Variants in LOXHD1 observed in about 807,000 individuals in gnomAD.
The protein encoded by LOXHD1 is lipoxygenase homology PLAT domains 1, also known as lipoxygenase homology domain-containing protein 1.
A neutral mutation model predicts 248.2 loss-of-function variants in LOXHD1; 205 were observed. The ratio of observed to expected loss-of-function variants is 0.83; its 90% confidence interval spans 0.74 to 0.93. The LOEUF is 0.93. Ranked by LOEUF, LOXHD1 falls within the 40% of genes least tolerant of loss-of-function variation. The pLI is 0.00. For synonymous variants in LOXHD1, 1,113 were observed against 1,162.8 expected (o/e 0.96, Z 0.87); for missense variants, 2,930 against 2,971.6 (o/e 0.99, Z 0.33).
chr18:46,645,865 G>A (rs1014520590), intron 2 of LOXHD1, among the ~76,000 whole-genome samples: 1 of 152,160 alleles, frequency 6.6e-6, no homozygotes, highest in Non-Finnish European at 1.5e-5. Context: ...TGAGGGGTGA[G>A]AAAGAAGAAA....
chr18:46,575,190 C>T (rs1037820128), intron 14 of LOXHD1, among the ~76,000 whole-genome samples: 2 of 152,072 alleles, frequency 1.3e-5, no homozygotes, highest in African/African-American at 2.4e-5. Context: ...AAGGGCATGA[C>T]CTTCAACCCA....
intron 4 of LOXHD1, among the ~76,000 whole-genome samples, chr18:46,630,288 T>C (rs1258785891): frequency 6.6e-6 from 1 of 152,220 alleles, no homozygotes; most frequent in East Asian, 1.9e-4. Flanking sequence ...GGTGGAGCCT[T>C]CCCCAGGCAG....
At chr18:46,614,177 T>C (rs905932599) in intron 5 of LOXHD1, among the ~76,000 whole-genome samples, 1 of 152,222 alleles carries the variant, frequency 6.6e-6, no homozygotes, top group African/African-American at 2.4e-5. Flanking sequence ...CTCAAGGATC[T>C]AGAACTAGAA....
At chr18:46,589,324 C>T (rs1008300435) in intron 12 of LOXHD1, among the ~76,000 whole-genome samples, 2 of 152,190 alleles carry the variant, frequency 1.3e-5, no homozygotes, top group Non-Finnish European at 2.9e-5. Flanking sequence ...TCTTTCTACC[C>T]AATAAATACG....
intron 33 of LOXHD1, chr18:46,520,673 T>C (rs2035531540): frequency 4.2e-6 from 1 of 240,884 alleles, no homozygotes; most frequent in Non-Finnish European, 8.2e-6. Flanking sequence ...CCAGATGCCA[T>C]CTTTCCTATC....
intron 14 of LOXHD1, 122 bp downstream of exon 14, chr18:46,577,585 C>T (rs953600922): frequency 2.6e-6 from 3 of 1,149,054 alleles, no homozygotes; most frequent in Non-Finnish European, 1.2e-6. Context: ...CTCTTTCTTG[C>T]ACCAGCTATA....
At chr18:46,536,725 G>A (rs1216187911) in intron 26 of LOXHD1, among the ~76,000 whole-genome samples, 1 of 152,168 alleles carries the variant, frequency 6.6e-6, no homozygotes, top group East Asian at 1.9e-4. Context: ...CTCGTTAAAA[G>A]ACTCAGCAAA....
chr18:46,649,537 C>A (rs1262096608), intron 1 of LOXHD1, among the ~76,000 whole-genome samples: 1 of 152,196 alleles, frequency 6.6e-6, no homozygotes, highest in Admixed American at 6.5e-5. Context: ...AACACCAGAG[C>A]CCGGCCCAAA....
At chr18:46,495,692 A>C (rs1210321565) in intron 37 of LOXHD1, among the ~76,000 whole-genome samples, 1 of 152,234 alleles carries the variant, frequency 6.6e-6, no homozygotes, top group African/African-American at 2.4e-5. Flanking sequence ...TATATTCCAT[A>C]TACAATATTA....
At chr18:46,613,800 T>C (rs1599050290) in intron 5 of LOXHD1, among the ~76,000 whole-genome samples, 1 of 152,232 alleles carries the variant, frequency 6.6e-6, no homozygotes, top group East Asian at 1.9e-4. Context: ...TAATTCTTTC[T>C]CTTTAATCCG....
intron 31 of LOXHD1, among the ~76,000 whole-genome samples, chr18:46,522,532 C>T (rs145958027): frequency 1.3e-5 from 2 of 152,184 alleles, no homozygotes; most frequent in Admixed American, 6.5e-5. Flanking sequence ...CCAAAGACAG[C>T]ATTCTTGTCA....
At chr18:46,591,675 C>T (rs985717671) in intron 12 of LOXHD1, among the ~76,000 whole-genome samples, 2 of 152,204 alleles carry the variant, frequency 1.3e-5, no homozygotes, top group Non-Finnish European at 2.9e-5. Flanking sequence ...TGCTTCTCAT[C>T]CCCTCAGAGC....
At chr18:46,566,693 G>A (rs1283045357) in intron 16 of LOXHD1, among the ~76,000 whole-genome samples, 1 of 152,280 alleles carries the variant, frequency 6.6e-6, no homozygotes, top group South Asian at 2.1e-4. Flanking sequence ...ACACCTCCCA[G>A]GGCCATAGTG....
intron 23 of LOXHD1, chr18:46,544,703 G>C: frequency 2.5e-6 from 1 of 408,042 alleles, no homozygotes; most frequent in Non-Finnish European, 5.2e-6. Context: ...AAATGGTGGA[G>C]TGGAGGTTTG....
chr18:46,593,807 A>G, intron 9 of LOXHD1, 47 bp from the exon 10 acceptor site: 1 of 1,540,746 alleles, frequency 6.5e-7, no homozygotes, highest in Non-Finnish European at 8.8e-7. Context: ...AAGTGAAGAG[A>G]TTTTCATATT....
At chr18:46,563,966 C>T (rs1359511715) in intron 17 of LOXHD1, among the ~76,000 whole-genome samples, 1 of 152,124 alleles carries the variant, frequency 6.6e-6, no homozygotes, top group Non-Finnish European at 1.5e-5. Flanking sequence ...AAAAAACAAG[C>T]TCTACAAAAG....
intron 35 of LOXHD1, among the ~76,000 whole-genome samples, chr18:46,508,314 G>A (rs1295152065): frequency 6.6e-6 from 1 of 152,178 alleles, no homozygotes; most frequent in Non-Finnish European, 1.5e-5. Context: ...CCCTCAGAAT[G>A]TGACCTTATT....
At chr18:46,609,394 T>G (rs1325448959) in intron 6 of LOXHD1, among the ~76,000 whole-genome samples, 1 of 152,204 alleles carries the variant, frequency 6.6e-6, no homozygotes, top group Admixed American at 6.5e-5. Flanking sequence ...CAGCCAAATA[T>G]TTTCCTAATA....
chr18:46,606,937 G>A (rs932070442), intron 6 of LOXHD1, among the ~76,000 whole-genome samples: 6 of 151,886 alleles, frequency 4.0e-5, no homozygotes, highest in Non-Finnish European at 8.8e-5. Context: ...AGGTCGAAGC[G>A]GCCATATCAC....
Sources: gnomAD v4.1 joint callset for allele counts (sites outside exome capture counted in the v4.1 genomes callset) on GRCh38, gnomAD v4.1.1 for gene constraint, MANE v1.5 for transcripts, NCBI Gene and HGNC (gene_info 2026-07-23, HGNC 2026-07-21) for gene names.